The following CNOT6L variants were observed in gnomAD, a reference collection of about 807,000 sequenced individuals.
The protein encoded by CNOT6L is CCR4-NOT transcription complex subunit 6 like.
In CNOT6L, 7 loss-of-function variants were observed where a neutral mutation model predicts 64.0. The observed-to-expected ratio is 0.11, with a 90% CI of 0.06 to 0.21. The LOEUF (loss-of-function observed/expected upper bound fraction) is 0.21, where lower values mean the gene tolerates loss of function less well. CNOT6L is among the 10% of genes least tolerant of loss of function. The probability of loss-of-function intolerance (pLI) is 1.00; values close to 1 mark genes in which losing one functional copy is unlikely to be tolerated. For synonymous variants in CNOT6L, 193 were observed against 243.4 expected (o/e 0.79, Z 1.93); for missense variants, 245 against 669.0 (o/e 0.37, Z 6.99).
intron 1 of CNOT6L, among the ~76,000 whole-genome samples, chr4:77,806,147 C>T (rs1049562410): frequency 2.0e-5 from 3 of 152,134 alleles, no homozygotes; most frequent in African/African-American, 4.8e-5. Context: ...AACTTCAGGC[C>T]GGGCACAGTG....
At chr4:77,802,092 A>G (rs1196744413) in intron 1 of CNOT6L, among the ~76,000 whole-genome samples, 1 of 152,238 alleles carries the variant, frequency 6.6e-6, no homozygotes. Context: ...AAAGTCCATT[A>G]TAATGCTACT....
intron 1 of CNOT6L, among the ~76,000 whole-genome samples, chr4:77,795,911 T>C (rs1426530972): frequency 1.3e-5 from 2 of 152,222 alleles, no homozygotes; most frequent in African/African-American, 4.8e-5. Flanking sequence ...CCCCAAATGA[T>C]CTACAAATTT....
chr4:77,813,294 T>TAGAC (rs1165713506), intron 1 of CNOT6L, among the ~76,000 whole-genome samples: 3 of 149,126 alleles, frequency 2.0e-5, no homozygotes, highest in Non-Finnish European at 3.0e-5. Flanking sequence ...ATATATTAGA[T>TAGAC]AGATTAGAAA....
rs1720886392 is a variant in CNOT6L, at chr4:77,717,608, T to TGTCA, written c.*2819_*2822dup. On this transcript the variant is annotated 3_prime_UTR_variant, in exon 12 of 12. Transcript: ENST00000504123. The stretch of plus-strand genomic sequence containing the variant: ...CTTTCATTGAATATATATATATATA[T>TGTCA]GTCATTCACCTCTTCCTTTTGGCTT... 1.3e-5 allele frequency: 2 copies of TGTCA among 152,436 alleles called. No individual in the cohort carries two copies. The highest frequency in any genetic ancestry group is 1.3e-4 in the Admixed American group (2 of 15,242). The allele number at this position is 152,436 out of a possible 1,614,324, so 9.4% of individuals were successfully genotyped here. A position where few individuals can be genotyped will look rare whatever the true frequency, so the allele number is the denominator to read the frequency against.
At chr4:77,819,771 G>GGGCC (rs1034407665), upstream of CNOT6L, among the ~76,000 whole-genome samples, 1 of 150,322 alleles carries the variant, frequency 6.7e-6, no homozygotes, top group Admixed American at 6.6e-5. Flanking sequence ...CGGGGCGGGC[G>GGGCC]GGCCGGGCCG....
chr4:77,764,257 T>C (rs923278693), intron 4 of CNOT6L, among the ~76,000 whole-genome samples: 3 of 152,198 alleles, frequency 2.0e-5, no homozygotes, highest in Admixed American at 1.3e-4. Context: ...TATGAATATA[T>C]AGATAATTAT....
intron 5 of CNOT6L, among the ~76,000 whole-genome samples, chr4:77,748,928 C>T (rs1307649994): frequency 1.3e-5 from 2 of 152,122 alleles, no homozygotes; most frequent in Admixed American, 6.5e-5. Context: ...ACTTGTTAGA[C>T]ATTAATTGCT....
upstream of CNOT6L, among the ~76,000 whole-genome samples, chr4:77,820,054 C>T (rs931617113): frequency 6.6e-6 from 1 of 152,088 alleles, no homozygotes; most frequent in Non-Finnish European, 1.5e-5. Flanking sequence ...CTGGGGCTGC[C>T]GCCGCTGCGG....
At chr4:77,819,536 G>GA, upstream of CNOT6L, 1 of 656,536 alleles carries the variant, frequency 1.5e-6, no homozygotes, top group Non-Finnish European at 2.2e-6. Flanking sequence ...CTCGCGGGCG[G>GA]GCGCGCAGGG....
At chr4:77,819,431 G>A, upstream of CNOT6L, 2 of 1,579,002 alleles carry the variant, frequency 1.3e-6, no homozygotes, top group East Asian at 4.6e-5. Context: ...AGCCGCGGCC[G>A]CAGACGCAGA....
rs1329696983 is a variant in CNOT6L at position 77,780,794 on chromosome 4, C to T, written c.6-4402G>A. ...TTCAGATAAATCTGTAAAATACTGA[C>T]TTCATAGGAAACGTATTTCAAAGCT... On this transcript the variant is annotated intron_variant, in intron 1 of 11. Transcript: ENST00000504123. Among the ~76,000 whole-genome samples the T allele has an allele frequency of 9.2e-5, 14 of 152,290 alleles. 1 individual carries two copies. Among genetic ancestry groups the T allele is most frequent in the South Asian group, 4.1e-4 (2 of 4,824 alleles).
chr4:77,803,950 G>A (rs1731918338), intron 1 of CNOT6L, among the ~76,000 whole-genome samples: 1 of 151,786 alleles, frequency 6.6e-6, no homozygotes, highest in Non-Finnish European at 1.5e-5. Context: ...AAACAGCGCT[G>A]CTACTGTGGA....
intron 4 of CNOT6L, among the ~76,000 whole-genome samples, chr4:77,762,968 TTTAAAAGTAA>T (rs1165828678): frequency 6.6e-6 from 1 of 152,140 alleles, no homozygotes; most frequent in Non-Finnish European, 1.5e-5. Context: ...TTAAAGTTAC[TTTAAAAGTAA>T]TCTTTAAAAA....
chr4:77,714,921 T>C lies in CNOT6L; in HGVS notation c.*5510A>G, dbSNP rs139041391. On this transcript the variant is annotated 3_prime_UTR_variant, in exon 12 of 12. Transcript: ENST00000504123. Reference sequence around the variant, plus strand: ...GTCTGTTTGGTAAGAAGCAAAGCCATTGTTTGACATCAATGCTGAACCAAT... The same window carrying C: ...GTCTGTTTGGTAAGAAGCAAAGCCACTGTTTGACATCAATGCTGAACCAAT... 196 of 152,684 alleles carry C rather than the reference T, an allele frequency of 1.3e-3. No homozygotes were observed. The highest frequency in any genetic ancestry group is 4.5e-3 in the African/African-American group (189 of 41,564). The allele number at this position is 152,684 out of a possible 1,614,324, so 9.5% of individuals were successfully genotyped here.
intron 1 of CNOT6L, among the ~76,000 whole-genome samples, chr4:77,815,874 T>C (rs1733517445): frequency 6.6e-6 from 1 of 152,140 alleles, no homozygotes; most frequent in African/African-American, 2.4e-5. Flanking sequence ...GGAACTGTCA[T>C]GAAAGCAAGT....
intron 6 of CNOT6L, among the ~76,000 whole-genome samples, chr4:77,745,937 G>T (rs1724148830): frequency 6.6e-6 from 1 of 152,314 alleles, no homozygotes; most frequent in East Asian, 1.9e-4. Context: ...CCCCTGGGGG[G>T]TCTGACTGGT....
intron 4 of CNOT6L, among the ~76,000 whole-genome samples, chr4:77,768,486 T>A (rs1245610995): frequency 1.9e-3 from 7 of 3,772 alleles, no homozygotes; most frequent in East Asian, 0.022. Context: ...TATATATATA[T>A]ATATATATAT....
chr4:77,790,728 T>C (rs1730036320), intron 1 of CNOT6L, among the ~76,000 whole-genome samples: 1 of 152,004 alleles, frequency 6.6e-6, no homozygotes, highest in Non-Finnish European at 1.5e-5. Context: ...TTGAGACGGA[T>C]TCTTGCTCTG....
intron 1 of CNOT6L, among the ~76,000 whole-genome samples, chr4:77,798,171 TA>T (rs972786784): frequency 7.2e-5 from 11 of 151,942 alleles, no homozygotes; most frequent in African/African-American, 2.7e-4. Context: ...TACAAAGTAA[TA>T]CAAAATCAGC....
Sources: gnomAD v4.1 joint callset for allele counts (sites outside exome capture counted in the v4.1 genomes callset) on GRCh38, gnomAD v4.1.1 for gene constraint, MANE v1.5 for transcripts, NCBI Gene and HGNC (gene_info 2026-07-23, HGNC 2026-07-21) for gene names.